Variants in IRX1 observed in about 807,000 individuals in gnomAD.
IRX1 encodes the protein iroquois-class homeodomain protein IRX-1.
Under a neutral mutation model 34.1 loss-of-function variants are expected in IRX1, and 22 were observed. The ratio of observed to expected loss-of-function variants is 0.64; its 90% CI spans 0.46 to 0.92. The LOEUF (loss-of-function observed/expected upper bound fraction) is 0.92. Ranked by LOEUF, IRX1 falls within the 40% of genes least tolerant of loss-of-function variation. The pLI is 0.00. For missense variants in IRX1, 758 were observed against 680.0 expected (o/e 1.11, Z -1.28); for synonymous variants, 363 against 319.0 (o/e 1.14, Z -1.47).
chr5:3,600,335 T>G (rs1580012834), intron 2 of IRX1, 75 bp downstream of exon 2: 1 of 1,367,070 alleles, frequency 7.3e-7, no homozygotes. Context: ...TAGCGTGGGG[T>G]GCAGCATGAG....
Position 3,600,018 on chromosome 5 carries a change from T to G in IRX1, c.1070T>G (p.Phe357Cys), listed in dbSNP as rs1733916978. The G allele has an allele frequency of 6.4e-7, 1 of 1,553,202 alleles. No homozygotes were observed. Among genetic ancestry groups the G allele is most frequent in the African/African-American group, 1.4e-5 (1 of 73,344 alleles). ...SAGAPLQHPA[F>C]LPSHGLYTCH... is the part of the protein sequence containing the mutation. ...GGGGCGCCGCTGCAACACCCCGCCT[T>G]CCTGCCTAGCCACGGACTGTACACC... Residue 357 changes from phenylalanine (F) to cysteine (C), a missense_variant, in exon 2 of 4, where the codon TTC becomes TGC. By Grantham distance (205) the Phe-to-Cys change is radical (BLOSUM62 -2). Around this residue, in one of 3 missense-constraint regions of IRX1, gnomAD observed 529 missense variants for 418.8 expected, o/e 1.26. Transcript: ENST00000302006.
Position 3,600,116 on chromosome 5 carries a change from T to G in IRX1, c.1168T>G (p.Ser390Ala), listed in dbSNP as rs1243809215. The change falls in exon 2 of 4, where the codon TCC becomes GCC. Residue 390 changes from serine to alanine, a missense_variant. Physicochemically the swap from Ser to Ala is moderately conservative, Grantham distance 99. This residue lies in a region of IRX1 where 529 missense variants were observed against 418.8 expected (regional missense o/e 1.26). Coordinates refer to ENST00000302006, the MANE Select transcript of IRX1 (RefSeq NM_024337.4). ...LAQGSLLNMR[S>A]FLGVGAPHAA... ...ACAGGGCTCCCTGCTCAACATGCGC[T>G]CCTTCCTGGGCGTTGGCGCTCCCCA... 1.2e-6 allele frequency: 2 copies of G among 1,613,278 alleles called. No individual in the cohort carries two copies. The highest frequency in any genetic ancestry group is 4.5e-5 in the East Asian group (2 of 44,844).
intron 1 of IRX1, among the ~76,000 whole-genome samples, chr5:3,596,605 G>A (rs1194400838): frequency 6.6e-6 from 1 of 152,138 alleles, no homozygotes; most frequent in Non-Finnish European, 1.5e-5. Flanking sequence ...TGGGAAAGCG[G>A]AAGGCCCGGG....
chr5:3,599,582 G>A lies in IRX1; in HGVS notation c.634G>A (p.Gly212Ser). The A allele has an allele frequency of 6.2e-7, 1 of 1,614,118 alleles. No homozygotes were observed. The highest frequency in any genetic ancestry group is 8.5e-7 in the Non-Finnish European group (1 of 1,180,034). The part of the protein sequence containing the change: ...DGALFGSDTE[G>S]DPEKAEDDEE... ...AGCGCTCTTCGGCAGCGACACCGAG[G>A]GCGACCCGGAGAAGGCCGAGGACGA... Residue 212 changes from glycine (G) to serine (S), a missense_variant, in exon 2 of 4, where the codon GGC (glycine) becomes AGC (serine). Coordinates refer to ENST00000302006, the MANE Select transcript of IRX1 (RefSeq NM_024337.4). This position sits in a 1 kb window ranked among gnomAD's most constrained non-coding sequence, Gnocchi z 6.6.
At position 3,599,356 on chromosome 5, in the gene IRX1, C is replaced by A; in HGVS notation, c.408C>A (p.Arg136=). The part of the protein sequence containing the change: ...GDPGRPKNAT[R]ESTSTLKAWL... ...CCGGGCGGCCCAAGAACGCCACCCG[C>A]GAGAGCACCAGCACGCTCAAGGCCT... is the stretch of plus-strand genomic sequence containing the variant. The change falls in exon 2 of 4, where the codon CGC becomes CGA. Residue 136 remains arginine, a synonymous_variant. Transcript: ENST00000302006. This position sits in a 1 kb window ranked among gnomAD's most constrained non-coding sequence, Gnocchi z 6.6. The A allele has an allele frequency of 1.9e-6, 3 of 1,614,078 alleles. No individual in the cohort carries two copies. The highest frequency in any genetic ancestry group is 2.5e-6 in the Non-Finnish European group (3 of 1,180,024).
chr5:3,596,410 C>T (rs1474362787), intron 1 of IRX1, 29 bp downstream of exon 1: 5 of 1,475,050 alleles, frequency 3.4e-6, no homozygotes, highest in Non-Finnish European at 4.5e-6. Flanking sequence ...CCCCGCTTCT[C>T]CTCTGTCTCA....
At position 3,599,086 on chromosome 5, in the gene IRX1, C is replaced by T. The variant is rs1029367867; in HGVS notation, c.277-139C>T. 8 of 845,592 alleles carry T rather than the reference C, an allele frequency of 9.5e-6. No individual in the cohort carries two copies. The highest frequency in any genetic ancestry group is 2.7e-5 in the East Asian group (1 of 37,418). The allele number at this position is 845,592 out of a possible 1,614,324, so 52.4% of individuals were successfully genotyped here. On this transcript the variant is annotated intron_variant, in intron 1 of 3. Transcript: ENST00000302006. This position sits in a 1 kb window ranked among gnomAD's most constrained non-coding sequence, Gnocchi z 6.6. ...CCCAGCACAGGAGAGCCCCGCAAAG[C>T]GCCTGGGAGGCCCTCGAGTCCATTG...
In IRX1 at chr5:3,595,895, CG is replaced by C. The variant is rs1743677067; in HGVS notation, c.-208del. Among the ~76,000 whole-genome samples, 1 of 150,930 alleles carries C rather than the reference CG, an allele frequency of 6.6e-6. No individual in the cohort carries two copies. The highest frequency in any genetic ancestry group is 2.4e-5 in the African/African-American group (1 of 41,312). ...CGCAGTCGGCGCGCGATTGCGGATC[CG>C]GGCGCAGCCGGGAGCCGGGCGCCTG... On this transcript the variant is annotated 5_prime_UTR_variant, in exon 1 of 4. Transcript: ENST00000302006.
In IRX1 at chr5:3,600,613, A is replaced by T. The variant is rs757238204; in HGVS notation, c.1317A>T (p.Arg439Ser). Residue 439 changes from arginine to serine, a missense_variant, in exon 3 of 4, where the codon AGA becomes AGT. This residue lies in a region of IRX1 where 529 missense variants were observed against 418.8 expected (regional missense o/e 1.26). Coordinates refer to ENST00000302006, the MANE Select transcript of IRX1 (RefSeq NM_024337.4). ...GCCTCTTCCGATCTCTCGCAGAGAGAGACCTCGTCCCCAGGCCAGATTCGC... is the reference window on the plus strand; with the variant it reads ...GCCTCTTCCGATCTCTCGCAGAGAGTGACCTCGTCCCCAGGCCAGATTCGC... ...SVRSSPTLPE[R>S]DLVPRPDSPA... is the part of the protein sequence containing the mutation. 1 of 1,613,528 alleles carries T rather than the reference A, an allele frequency of 6.2e-7. No homozygotes were observed. Among genetic ancestry groups the T allele is most frequent in the South Asian group, 1.1e-5 (1 of 91,080 alleles).
intron 1 of IRX1, among the ~76,000 whole-genome samples, chr5:3,598,452 C>T (rs956818909): frequency 1.3e-5 from 2 of 152,170 alleles, no homozygotes; most frequent in African/African-American, 4.8e-5. Flanking sequence ...CGGTTCCCCT[C>T]CTGGCCGCCG....
At chr5:3,597,211 G>A (rs1295450359) in intron 1 of IRX1, among the ~76,000 whole-genome samples, 1 of 152,206 alleles carries the variant, frequency 6.6e-6, no homozygotes, top group Non-Finnish European at 1.5e-5. Context: ...AGATGTCGGG[G>A]CAGGCGGCTG....
chr5:3,596,641 CAG>C (rs575734624), intron 1 of IRX1, among the ~76,000 whole-genome samples: 114 of 152,230 alleles, frequency 7.5e-4, no homozygotes, highest in South Asian at 7.5e-3. Context: ...CGAGTGAATT[CAG>C]AGAGGCCGCA....
At chr5:3,600,322 T>C in intron 2 of IRX1, 62 bp downstream of exon 2, 2 of 1,427,448 alleles carry the variant, frequency 1.4e-6, no homozygotes, top group Non-Finnish European at 1.9e-6. Flanking sequence ...TGGCTAGGTG[T>C]GGTAGCGTGG....
chr5:3,599,240 C>T lies in IRX1; in HGVS notation c.292C>T (p.Leu98=). The change falls in exon 2 of 4, where the codon CTG becomes TTG. Residue 98 remains leucine, a synonymous_variant. Coordinates refer to ENST00000302006, the MANE Select transcript of IRX1 (RefSeq NM_024337.4). This position sits in a 1 kb window ranked among gnomAD's most constrained non-coding sequence, Gnocchi z 6.6. ...LFSQMGSQYE[L]KDNPGVHPAT... Reference sequence around the variant, plus strand: ...GTGGCTTCAGGGCTCGCAGTATGAACTGAAGGACAACCCTGGGGTGCACCC... The same window carrying T: ...GTGGCTTCAGGGCTCGCAGTATGAATTGAAGGACAACCCTGGGGTGCACCC... 1.2e-6 allele frequency: 2 copies of T among 1,613,244 alleles called. No individual in the cohort carries two copies. The highest frequency in any genetic ancestry group is 2.7e-5 in the African/African-American group (2 of 75,034).
Position 3,599,040 on chromosome 5 carries a change from T to G in IRX1, c.277-185T>G, listed in dbSNP as rs960447646. On this transcript the variant is annotated intron_variant, in intron 1 of 3. Transcript: ENST00000302006. This position sits in a 1 kb window ranked among gnomAD's most constrained non-coding sequence, Gnocchi z 6.6. Reference sequence around the variant, plus strand: ...GCTCCCCTTCTCCCCAGCAGTGAACTGGGGGTGACTTCCTGATCTGCCCAG... The same window carrying G: ...GCTCCCCTTCTCCCCAGCAGTGAACGGGGGGTGACTTCCTGATCTGCCCAG... 6.6e-6 allele frequency among the ~76,000 whole-genome samples: 1 copy of G among 152,102 alleles called. No homozygotes were observed. Among genetic ancestry groups the G allele is most frequent in the Non-Finnish European group, 1.5e-5 (1 of 68,012 alleles).
At chr5:3,600,898 C>A in intron 3 of IRX1, 85 bp from the exon 4 acceptor site, 1 of 1,421,770 alleles carries the variant, frequency 7.0e-7, no homozygotes, top group Non-Finnish European at 9.9e-7. Flanking sequence ...CCCCAGGGCT[C>A]CGCTACTGGA....
In IRX1 at chr5:3,600,669, C is replaced by G. The variant is rs376021360; in HGVS notation, c.1373C>G (p.Pro458Arg). 6.2e-7 allele frequency: 1 copy of G among 1,601,416 alleles called. No individual in the cohort carries two copies. Among genetic ancestry groups the G allele is most frequent in the Non-Finnish European group, 8.5e-7 (1 of 1,172,930 alleles). Reference sequence around the variant, plus strand: ...CAGCAGTTAAAGTCGCCCTTCCAGCCGGTACGCGACAAGTGAGTGCTGTTT... The same window carrying G: ...CAGCAGTTAAAGTCGCCCTTCCAGCGGGTACGCGACAAGTGAGTGCTGTTT... ...PAQQLKSPFQ[P>R]VRDNSLAPQE... is the part of the protein sequence containing the mutation. The change falls in exon 3 of 4, where the codon CCG (proline) becomes CGG (arginine). Residue 458 changes from proline to arginine, a missense_variant. Around this residue, in one of 3 missense-constraint regions of IRX1, gnomAD observed 529 missense variants for 418.8 expected, o/e 1.26. Coordinates refer to ENST00000302006, the MANE Select transcript of IRX1 (RefSeq NM_024337.4).
At chr5:3,600,722 G>A in intron 3 of IRX1, 41 bp downstream of exon 3, 2 of 1,550,520 alleles carry the variant, frequency 1.3e-6, no homozygotes, top group Non-Finnish European at 1.8e-6. Flanking sequence ...AGGCGGTGGG[G>A]AGGGGGGAGG....
chr5:3,599,637 T>A lies in IRX1; in HGVS notation c.689T>A (p.Ile230Asn). 6.2e-7 allele frequency: 1 copy of A among 1,613,602 alleles called. No individual in the cohort carries two copies. Among genetic ancestry groups the A allele is most frequent in the Non-Finnish European group, 8.5e-7 (1 of 1,179,980 alleles). ...DEEIDLESID[I>N]DKIDEHDGDQ... ...GAGATCGACCTGGAAAGCATCGACA[T>A]TGACAAGATCGACGAGCACGATGGC... The change falls in exon 2 of 4, where the codon ATT becomes AAT. Residue 230 changes from isoleucine to asparagine, a missense_variant. Physicochemically the swap from Ile to Asn is moderately radical, Grantham distance 149. Transcript: ENST00000302006. This position sits in a 1 kb window ranked among gnomAD's most constrained non-coding sequence, Gnocchi z 6.6.
Sources: allele counts gnomAD v4.1 joint callset (sites outside exome capture counted in the v4.1 genomes callset), GRCh38; gene constraint gnomAD v4.1.1; regional missense constraint gnomAD v4.1.1; non-coding constraint Gnocchi (gnomAD v3.1); transcripts MANE v1.5; gene names NCBI Gene and HGNC (gene_info 2026-07-23, HGNC 2026-07-21).